CSMD3: variants seen among roughly 807,000 people sequenced by gnomAD.
CSMD3 encodes CUB and sushi domain-containing protein 3.
CSMD3 carries 177 observed loss-of-function variants against 435.2 expected under a neutral mutation model. The observed-to-expected ratio is 0.41, with a 90% confidence interval of 0.36 to 0.46. The LOEUF is 0.46. Among genes scored for constraint, CSMD3 ranks in the 20% least tolerant of loss-of-function variants. The pLI, the probability that CSMD3 is intolerant of heterozygous loss-of-function variation, is 0.34. For synonymous variants in CSMD3, 1,656 were observed against 1,520.5 expected (o/e 1.09, Z -2.07); for missense variants, 4,265 against 4,504.6 (o/e 0.95, Z 1.52).
At chr8:112,977,400 A>G (rs985031359) in intron 6 of CSMD3, among the ~76,000 whole-genome samples, 2 of 152,082 alleles carry the variant, frequency 1.3e-5, no homozygotes, top group African/African-American at 2.4e-5. Context: ...TAACAATGCT[A>G]GGGATATTTT....
At chr8:112,664,407 G>A (rs1485373748) in intron 17 of CSMD3, among the ~76,000 whole-genome samples, 2 of 152,090 alleles carry the variant, frequency 1.3e-5, no homozygotes, top group African/African-American at 4.8e-5. Context: ...ATTGGAAAAA[G>A]ATTTAATGAT....
chr8:113,078,105 A>G (rs2089419159), intron 5 of CSMD3, among the ~76,000 whole-genome samples: 1 of 152,300 alleles, frequency 6.6e-6, no homozygotes, highest in African/African-American at 2.4e-5. Context: ...ATTATATTCA[A>G]TGCTGGCATA....
intron 1 of CSMD3, among the ~76,000 whole-genome samples, chr8:113,379,979 G>A (rs2094408143): frequency 6.6e-6 from 1 of 152,108 alleles, no homozygotes; most frequent in East Asian, 1.9e-4. Context: ...CTTGTCACAT[G>A]CAAATTTGAT....
rs145980653 is a variant in CSMD3, at chr8:113,428,252, CTATCT to C, written c.178+8420_178+8424del. The stretch of plus-strand genomic sequence containing the variant: ...TCTATCTATCTATCTATCTATCTAT[CTATCT>C]ATCTTTCTGTCTAATCACGACTATT... On this transcript the variant is annotated intron_variant, in intron 1 of 70. Transcript: ENST00000297405. 8.8e-3 allele frequency among the ~76,000 whole-genome samples: 1,317 copies of C among 150,314 alleles called. 29 individuals carry two copies. Among genetic ancestry groups the C allele is most frequent in the African/African-American group, 0.031 (1,254 of 40,380 alleles).
rs563741083 is a variant in CSMD3 at position 112,880,449 on chromosome 8, C to T, written c.1634-21183G>A. ...GGAACCATAAAAGAATAGACATTTT[C>T]GCTACCCTGATTTTAGAGAAGGCAT... On this transcript the variant is annotated intron_variant, in intron 10 of 70. Coordinates refer to ENST00000297405, the MANE Select transcript of CSMD3 (RefSeq NM_198123.2). Among the ~76,000 whole-genome samples the T allele has an allele frequency of 7.9e-5, 12 of 152,082 alleles. No individual in the cohort carries two copies. The South Asian group carries it at 1.0e-3, about 13-fold the overall frequency.
chr8:113,312,842 T>G (rs984327478), intron 2 of CSMD3: 1 of 152,190 alleles, frequency 6.6e-6, no homozygotes, highest in Non-Finnish European at 1.5e-5. Flanking sequence ...ATAAAATAGA[T>G]GATTATTGTA....
chr8:112,769,623 G>A (rs929425852), intron 13 of CSMD3, among the ~76,000 whole-genome samples: 5 of 151,844 alleles, frequency 3.3e-5, no homozygotes, highest in Non-Finnish European at 4.4e-5. Flanking sequence ...GACATAATTG[G>A]CTAATAATAT....
chr8:112,332,111 ACAAT>A (rs1824123055), intron 45 of CSMD3, among the ~76,000 whole-genome samples: 1 of 152,178 alleles, frequency 6.6e-6, no homozygotes, highest in Non-Finnish European at 1.5e-5. Context: ...ACACTAAAAT[ACAAT>A]CAGTCAATAA....
chr8:113,436,874 T>A lies in CSMD3; in HGVS notation c.-20A>T, dbSNP rs200031799. ...TTTCATATTATTCGCGAGCTCCTAA[T>A]TCCTGCTCCTCAGCCCGGCGCAGTG... is the stretch of plus-strand genomic sequence containing the variant. On this transcript the variant is annotated 5_prime_UTR_variant, in exon 1 of 71. Transcript: ENST00000297405. The A allele has an allele frequency of 2.3e-5, 37 of 1,612,908 alleles. No individual in the cohort carries two copies. Among genetic ancestry groups the A allele is most frequent in the Non-Finnish European group, 3.1e-5 (37 of 1,179,676 alleles).
chr8:112,975,116 T>C (rs1181176246), intron 7 of CSMD3, among the ~76,000 whole-genome samples: 2 of 151,972 alleles, frequency 1.3e-5, no homozygotes, highest in Non-Finnish European at 2.9e-5. Context: ...TAGACTTCCT[T>C]ATTTTGTAAA....
At chr8:113,294,451 C>T (rs1046259548) in intron 2 of CSMD3, among the ~76,000 whole-genome samples, 1 of 152,102 alleles carries the variant, frequency 6.6e-6, no homozygotes, top group African/African-American at 2.4e-5. Context: ...ATAAATTTCT[C>T]GTTAAAGGCC....
At chr8:113,368,415 A>T (rs1488168154) in intron 1 of CSMD3, among the ~76,000 whole-genome samples, 1 of 152,158 alleles carries the variant, frequency 6.6e-6, no homozygotes, top group Non-Finnish European at 1.5e-5. Flanking sequence ...TACACTTAGC[A>T]ACACTTAAGC....
intron 15 of CSMD3, among the ~76,000 whole-genome samples, chr8:112,684,243 C>T (rs998867106): frequency 6.6e-6 from 1 of 151,960 alleles, no homozygotes; most frequent in Non-Finnish European, 1.5e-5. Context: ...ATTCTCAAAG[C>T]AGTCATTTTA....
chr8:113,220,995 TAAGA>T (rs1443562917), intron 3 of CSMD3, among the ~76,000 whole-genome samples: 1 of 151,326 alleles, frequency 6.6e-6, no homozygotes, highest in Non-Finnish European at 1.5e-5. Context: ...GAGCAAGGAA[TAAGA>T]GAAGTATGTT....
chr8:112,301,808 C>T lies in CSMD3; in HGVS notation c.8425G>A (p.Glu2809Lys), dbSNP rs1820949197. ...AAATCTGTACCTAGGCATCTGGTTT[C>T]AGATTCACTCCAAAGACCTGAGGAA... ...CLSSGLWSES[E>K]TRCLAGHCGI... Residue 2809 changes from glutamate (E) to lysine (K), a missense_variant, in exon 53 of 71, where the codon GAA (glutamate) becomes AAA (lysine). Transcript: ENST00000297405. The T allele has an allele frequency of 1.2e-6, 2 of 1,613,664 alleles. No individual in the cohort carries two copies. Among genetic ancestry groups the T allele is most frequent in the African/African-American group, 2.7e-5 (2 of 74,892 alleles).
intron 7 of CSMD3, among the ~76,000 whole-genome samples, chr8:112,971,228 C>A (rs2084644955): frequency 1.3e-5 from 2 of 152,100 alleles, no homozygotes; most frequent in Admixed American, 6.5e-5. Context: ...TTCTCATGTA[C>A]CTGCTATCCA....
intron 36 of CSMD3, among the ~76,000 whole-genome samples, chr8:112,385,791 A>G (rs1829889107): frequency 6.6e-6 from 1 of 152,148 alleles, no homozygotes; most frequent in African/African-American, 2.4e-5. Flanking sequence ...GGGTAGCAAG[A>G]GCAAAAATGT....
intron 1 of CSMD3, among the ~76,000 whole-genome samples, chr8:113,375,955 G>A (rs1225005209): frequency 2.6e-5 from 4 of 152,004 alleles, no homozygotes; most frequent in African/African-American, 9.7e-5. Flanking sequence ...GTCAAAAATG[G>A]TGCTGTGTTC....
intron 2 of CSMD3, among the ~76,000 whole-genome samples, chr8:113,295,235 T>G (rs2132550296): frequency 6.6e-6 from 1 of 152,310 alleles, no homozygotes; most frequent in Admixed American, 6.5e-5. Context: ...TATTGTTGAC[T>G]GTAATCACCC....
Sources: gnomAD v4.1 joint callset for allele counts (sites outside exome capture counted in the v4.1 genomes callset) on GRCh38, gnomAD v4.1.1 for gene constraint, MANE v1.5 for transcripts, NCBI Gene and HGNC (gene_info 2026-07-23, HGNC 2026-07-21) for gene names.